HDAC9: variants seen among roughly 807,000 people sequenced by gnomAD.
The protein encoded by HDAC9 is MEF-2 interacting transcription repressor (MITR) protein.
Under a neutral mutation model 139.4 loss-of-function variants are expected in HDAC9, and 41 were observed. The observed-to-expected ratio is 0.29, with a 90% CI of 0.23 to 0.38. The LOEUF (loss-of-function observed/expected upper bound fraction) is 0.38. Ranked by LOEUF, HDAC9 falls within the 10% of genes least tolerant of loss-of-function variation. The pLI is 1.00. For synonymous variants in HDAC9, 517 were observed against 476.2 expected (o/e 1.09, Z -1.12); for missense variants, 1,147 against 1,297.0 (o/e 0.88, Z 1.78).
intron 1 of HDAC9, among the ~76,000 whole-genome samples, chr7:18,115,528 A>G (rs974408296): frequency 6.6e-6 from 1 of 152,228 alleles, no homozygotes; most frequent in African/African-American, 2.4e-5. Flanking sequence ...AATGTAGTAG[A>G]TTCCAGTATT....
chr7:18,811,320 A>C (rs546190360), intron 17 of HDAC9, among the ~76,000 whole-genome samples: 1 of 151,724 alleles, frequency 6.6e-6, no homozygotes, highest in African/African-American at 2.4e-5. Context: ...TAGTTTTCAA[A>C]GTGGAAGCTG....
rs533064676 is a variant in HDAC9 at position 18,338,951 on chromosome 7, G to A, written c.-42+48436G>A. 4.7e-4 allele frequency among the ~76,000 whole-genome samples: 71 copies of A among 151,488 alleles called. 1 individual carries two copies. The highest frequency in any genetic ancestry group is 7.3e-4 in the Admixed American group (11 of 15,166). On this transcript the variant is annotated intron_variant, in intron 1 of 3. Coordinates refer to the HDAC9 transcript ENST00000413509. ...GAAACCAAATCCTTTAATAAATATC[G>A]TGCTATTCATGCTACCTATTTCTTC...
intron 1 of HDAC9, among the ~76,000 whole-genome samples, chr7:18,149,355 C>CTT (rs534480190): frequency 1.4e-5 from 2 of 139,566 alleles, no homozygotes; most frequent in African/African-American, 5.2e-5. Context: ...ATAATTTTTT[C>CTT]TTTTTTTTTT....
At chr7:18,976,314 T>A (rs1784548470) in intron 25 of HDAC9, among the ~76,000 whole-genome samples, 1 of 152,226 alleles carries the variant, frequency 6.6e-6, no homozygotes, top group African/African-American at 2.4e-5. Context: ...ATGTTCTTTT[T>A]CTTTCTCTAA....
At chr7:18,867,996 C>A (rs1034197882) in intron 21 of HDAC9, among the ~76,000 whole-genome samples, 3 of 152,216 alleles carry the variant, frequency 2.0e-5, no homozygotes, top group Admixed American at 1.3e-4. Context: ...TTCATAACAG[C>A]ATGTCTTTGT....
chr7:18,586,000 T>C (rs142333183), intron 3 of HDAC9, among the ~76,000 whole-genome samples: 1 of 152,300 alleles, frequency 6.6e-6, no homozygotes, highest in East Asian at 1.9e-4. Flanking sequence ...CTCTTCCTTA[T>C]AGAAAAGATC....
chr7:18,688,825 A>G (rs1244023967), intron 12 of HDAC9, among the ~76,000 whole-genome samples: 11 of 151,934 alleles, frequency 7.2e-5, no homozygotes, highest in Non-Finnish European at 1.6e-4. Flanking sequence ...CCTAATGGTT[A>G]CAGAGAAAGG....
chr7:18,116,309 C>T (rs1412888576), intron 1 of HDAC9, among the ~76,000 whole-genome samples: 1 of 151,942 alleles, frequency 6.6e-6, no homozygotes, highest in Admixed American at 6.6e-5. Context: ...AAAATTATGC[C>T]TGCTTGGAAA....
chr7:18,730,567 T>C lies in HDAC9; in HGVS notation c.1909+2810T>C, dbSNP rs1418258790. Among the ~76,000 whole-genome samples the C allele has an allele frequency of 7.2e-5, 11 of 152,174 alleles. No individual in the cohort carries two copies. In the East Asian group the frequency reaches 1.9e-3, roughly 27 times the overall value. On this transcript the variant is annotated intron_variant, in intron 13 of 25. Transcript: ENST00000686413. Reference sequence around the variant, plus strand: ...CCCAGAGAATGCCTACAACAGCCAGTAGTATTGAACCAGTTGAGGTCAATA... The same window carrying C: ...CCCAGAGAATGCCTACAACAGCCAGCAGTATTGAACCAGTTGAGGTCAATA...
chr7:18,972,369 CTTTTTTT>C lies in HDAC9; in HGVS notation c.3023-3414_3023-3408del, dbSNP rs199909134. On this transcript the variant is annotated intron_variant, in intron 24 of 25. Transcript: ENST00000686413. Reference sequence around the variant, plus strand: ...TTAGCTCAATTTTCGATGAACTTCTCTTTTTTTTTTTTTTTTTTTTTTTTTTTTTGAG... The same window carrying C: ...TTAGCTCAATTTTCGATGAACTTCTCTTTTTTTTTTTTTTTTTTTTTTGAG... Among the ~76,000 whole-genome samples the C allele has an allele frequency of 2.6e-4, 25 of 94,894 alleles. No individual in the cohort carries two copies. In the East Asian group the frequency reaches 3.0e-3, roughly 11 times the overall value. 62.3% of individuals were successfully genotyped at this position (94,894 alleles called of 152,430 possible).
Position 18,701,496 on chromosome 7 carries a change from T to C in HDAC9, c.1732-26084T>C, listed in dbSNP as rs190428787. ...CTCAACTGGTTAGTCTTAACATGTA[T>C]TTTCAGATAAAGGCAATTTCCTAAA... On this transcript the variant is annotated intron_variant, in intron 12 of 25. Coordinates refer to ENST00000686413, the MANE Select transcript of HDAC9 (RefSeq NM_178425.4). Among the ~76,000 whole-genome samples, 974 of 152,216 alleles carry C rather than the reference T, an allele frequency of 6.4e-3. 2 individuals are homozygous for C. Among genetic ancestry groups the C allele is most frequent in the Non-Finnish European group, 0.011 (735 of 67,990 alleles).
At chr7:18,868,294 T>A (rs1013715756) in intron 21 of HDAC9, among the ~76,000 whole-genome samples, 1 of 152,164 alleles carries the variant, frequency 6.6e-6, no homozygotes, top group East Asian at 1.9e-4. Flanking sequence ...CAGCTCTTGG[T>A]CTCTGGATCC....
At chr7:18,346,200 CA>C (rs1295561037) in intron 1 of HDAC9, among the ~76,000 whole-genome samples, 12 of 152,054 alleles carry the variant, frequency 7.9e-5, no homozygotes, top group Admixed American at 5.2e-4. Context: ...AATTGTGCTG[CA>C]AAAAACCCAA....
At chr7:18,762,012 A>T (rs995203791) in intron 14 of HDAC9, 145 bp from the exon 15 acceptor site, 2 of 846,724 alleles carry the variant, frequency 2.4e-6, no homozygotes, top group Non-Finnish European at 1.9e-6. Context: ...AAATATTATT[A>T]TGGTACTTTA....
Position 18,750,008 on chromosome 7 carries a change from G to T in HDAC9, c.2043+870G>T, listed in dbSNP as rs1488243973. ...TATAAAATTTCACAAGACAAATATG[G>T]TCCCAAAATGTAGTCAACAAAATTC... On this transcript the variant is annotated intron_variant, in intron 14 of 25. Transcript: ENST00000686413. Among the ~76,000 whole-genome samples, 4 of 152,110 alleles carry T rather than the reference G, an allele frequency of 2.6e-5. No homozygotes were observed. The East Asian group carries it at 5.8e-4, about 22-fold the overall frequency.
chr7:18,226,375 G>C (rs1200596260), intron 2 of HDAC9, among the ~76,000 whole-genome samples: 1 of 152,072 alleles, frequency 6.6e-6, no homozygotes, highest in African/African-American at 2.4e-5. Flanking sequence ...ACAGCACCTG[G>C]AGGTTGAGCA....
At chr7:18,402,667 C>G (rs1261595976) in intron 1 of HDAC9, among the ~76,000 whole-genome samples, 1 of 152,124 alleles carries the variant, frequency 6.6e-6, no homozygotes, top group Non-Finnish European at 1.5e-5. Flanking sequence ...AGAACTCACT[C>G]TGGTAGCAGT....
chr7:18,155,648 A>G (rs1787134492), intron 1 of HDAC9, among the ~76,000 whole-genome samples: 1 of 152,192 alleles, frequency 6.6e-6, no homozygotes, highest in Non-Finnish European at 1.5e-5. Flanking sequence ...AAGTCTTAGA[A>G]TGGAGCTTAT....
chr7:18,316,633 C>CAA (rs10641889), intron 1 of HDAC9, among the ~76,000 whole-genome samples: 85,074 of 100,170 alleles, frequency 0.85, 37,326 homozygotes, highest in East Asian at 0.98. Context: ...CAGATCTCTC[C>CAA]AAAAAAAAAA....
Sources: allele counts gnomAD v4.1 joint callset (sites outside exome capture counted in the v4.1 genomes callset), GRCh38; gene constraint gnomAD v4.1.1; transcripts MANE v1.5; gene names NCBI Gene and HGNC (gene_info 2026-07-23, HGNC 2026-07-21).